Variants in NOCT observed in about 807,000 individuals in gnomAD.
NOCT encodes nocturnin.
In NOCT, 18 loss-of-function variants were observed where a neutral mutation model predicts 35.0. The observed-to-expected ratio is 0.51, with a 90% confidence interval of 0.36 to 0.76. NOCT has a LOEUF of 0.76. Ranked by LOEUF, NOCT falls within the 30% of genes least tolerant of loss-of-function variation. The pLI is 0.01. For synonymous variants in NOCT, 235 were observed against 226.3 expected (o/e 1.04, Z -0.34); for missense variants, 479 against 541.0 (o/e 0.89, Z 1.14).
intron 1 of NOCT, among the ~76,000 whole-genome samples, chr4:139,025,987 T>TG (rs1163125344): frequency 1.3e-5 from 2 of 152,236 alleles, no homozygotes; most frequent in Non-Finnish European, 2.9e-5. Context: ...AATTTGTATA[T>TG]GAAAATTGTT....
At chr4:139,021,622 A>G (rs929429424) in intron 1 of NOCT, among the ~76,000 whole-genome samples, 2 of 152,156 alleles carry the variant, frequency 1.3e-5, no homozygotes, top group Admixed American at 6.5e-5. Flanking sequence ...CTAAGTCACA[A>G]CTTAGAGTAA....
chr4:139,020,264 A>G (rs985424929), intron 1 of NOCT, among the ~76,000 whole-genome samples: 10 of 152,362 alleles, frequency 6.6e-5, no homozygotes, highest in Middle Eastern at 3.4e-3. Context: ...GAACAAATGA[A>G]TAAGATCAAT....
In NOCT at chr4:139,040,703, G is replaced by A. The variant is rs1007090102; in HGVS notation, c.191-2371G>A. Among the ~76,000 whole-genome samples the A allele has an allele frequency of 2.6e-5, 4 of 152,116 alleles. No individual in the cohort carries two copies. The South Asian group carries it at 8.3e-4, about 32-fold the overall frequency. On this transcript the variant is annotated intron_variant, in intron 1 of 2. Transcript: ENST00000280614. ...TCTACATCAAGCCCAGAGCCTGACA[G>A]GTGTCAAACGTCACTGTTTATTTCA...
intron 1 of NOCT, among the ~76,000 whole-genome samples, chr4:139,038,196 CAAAT>C (rs547458958): frequency 2.7e-4 from 41 of 150,640 alleles, no homozygotes; most frequent in African/African-American, 6.4e-4. Flanking sequence ...GAGACTGTCT[CAAAT>C]AAATAAATAA....
intron 1 of NOCT, among the ~76,000 whole-genome samples, chr4:139,037,136 G>T (rs1354426964): frequency 6.6e-6 from 1 of 152,204 alleles, no homozygotes; most frequent in Non-Finnish European, 1.5e-5. Flanking sequence ...CCACCTTGGG[G>T]AATATCTTTG....
At chr4:139,021,300 G>C (rs561238446) in intron 1 of NOCT, among the ~76,000 whole-genome samples, 4 of 151,886 alleles carry the variant, frequency 2.6e-5, no homozygotes, top group Non-Finnish European at 5.9e-5. Flanking sequence ...ATCACGCCCC[G>C]CCAAAAGCAG....
intron 1 of NOCT, among the ~76,000 whole-genome samples, chr4:139,033,291 G>T (rs549360648): frequency 1.3e-5 from 2 of 151,976 alleles, no homozygotes; most frequent in South Asian, 2.1e-4. Context: ...TTGAACCCGG[G>T]GGGGCGGAGG....
rs1207070769 is a variant in NOCT, at chr4:139,015,972, G to A, written c.-10G>A. 8 of 1,346,298 alleles carry A rather than the reference G, an allele frequency of 5.9e-6. No individual in the cohort carries two copies. The highest frequency in any genetic ancestry group is 3.1e-5 in the African/African-American group (2 of 65,172). 83.4% of individuals were successfully genotyped at this position (1,346,298 alleles called of 1,614,324 possible). A position where few individuals can be genotyped will look rare whatever the true frequency, so the allele number is the denominator to read the frequency against. On this transcript the variant is annotated 5_prime_UTR_variant, in exon 1 of 3. Transcript: ENST00000280614. ...GCGCGCGAGGGGCCGTGGTGGCGGC[G>A]GCGCCCGGCATGTTTCATAGTCCGC...
chr4:139,021,342 G>A (rs923513496), intron 1 of NOCT, among the ~76,000 whole-genome samples: 2 of 152,014 alleles, frequency 1.3e-5, no homozygotes, highest in African/African-American at 4.8e-5. Flanking sequence ...TCCAGGGCCG[G>A]GCACAGTGGC....
In NOCT at chr4:139,044,625, C is replaced by G. The variant is rs1314374924; in HGVS notation, c.461-14C>G. 1.3e-6 allele frequency: 2 copies of G among 1,566,720 alleles called. No homozygotes were observed. The highest frequency in any genetic ancestry group is 1.8e-6 in the Non-Finnish European group (2 of 1,140,504). On this transcript the variant is annotated splice_polypyrimidine_tract_variant and intron_variant, in intron 2 of 2. Transcript: ENST00000280614. Reference sequence around the variant, plus strand: ...TTTGTAAGAGCTGACAACTGACTAGCTTTTTCTTTTCAGCTCTTGGAGAAG... The same window carrying G: ...TTTGTAAGAGCTGACAACTGACTAGGTTTTTCTTTTCAGCTCTTGGAGAAG...
chr4:139,016,507 A>G lies in NOCT; in HGVS notation c.190+336A>G, dbSNP rs553563236. On this transcript the variant is annotated intron_variant, in intron 1 of 2. Coordinates refer to ENST00000280614, the MANE Select transcript of NOCT (RefSeq NM_012118.4). ...AGTTACTATGTTGGTTACATTTTTTATTGCACGACTTAACGGAAATTTTTA... is the reference window on the plus strand; with the variant it reads ...AGTTACTATGTTGGTTACATTTTTTGTTGCACGACTTAACGGAAATTTTTA... 1.0e-3 allele frequency among the ~76,000 whole-genome samples: 151 copies of G among 151,394 alleles called. 1 individual carries two copies. Among genetic ancestry groups the G allele is most frequent in the Admixed American group, 2.4e-3 (36 of 15,198 alleles).
At chr4:139,021,516 GAA>G (rs138152233) in intron 1 of NOCT, among the ~76,000 whole-genome samples, 3 of 145,486 alleles carry the variant, frequency 2.1e-5, no homozygotes, top group African/African-American at 5.0e-5. Context: ...TACTCTCAAA[GAA>G]AAAAAAAAGG....
chr4:139,041,586 G>A (rs772529159), intron 1 of NOCT, among the ~76,000 whole-genome samples: 3 of 152,200 alleles, frequency 2.0e-5, no homozygotes, highest in Non-Finnish European at 4.4e-5. Context: ...TGAAGATTAT[G>A]CTCTGTTCTC....
Position 139,045,027 on chromosome 4 carries a change from T to A in NOCT, c.849T>A (p.Ala283=). 6.2e-7 allele frequency: 1 copy of A among 1,614,250 alleles called. No individual in the cohort carries two copies. Among genetic ancestry groups the A allele is most frequent in the South Asian group, 1.1e-5 (1 of 91,090 alleles). The stretch of plus-strand genomic sequence containing the variant: ...AGTCAGGCCGACAGTTCTGCATCGC[T>A]GTTACCCATCTAAAAGCACGCACTG... ...CKESGRQFCI[A]VTHLKARTGW... The change falls in exon 3 of 3, where the codon GCT becomes GCA. Residue 283 remains alanine (A), a synonymous_variant. Transcript: ENST00000280614.
chr4:139,021,167 A>G (rs1278055151), intron 1 of NOCT, among the ~76,000 whole-genome samples: 1 of 151,982 alleles, frequency 6.6e-6, no homozygotes, highest in Non-Finnish European at 1.5e-5. Flanking sequence ...AAGCAGCTTT[A>G]AAAAATTGTA....
chr4:139,037,188 T>C (rs958748904), intron 1 of NOCT, among the ~76,000 whole-genome samples: 2 of 152,186 alleles, frequency 1.3e-5, no homozygotes, highest in Non-Finnish European at 2.9e-5. Context: ...AAGACTATAG[T>C]AAACACTTCC....
intron 2 of NOCT, 118 bp from the exon 3 acceptor site, chr4:139,044,521 C>T (rs1201746710): frequency 4.7e-6 from 3 of 643,178 alleles, no homozygotes; most frequent in Non-Finnish European, 8.2e-6. Flanking sequence ...CAGAGAGCCA[C>T]TCCAAGCATT....
chr4:139,037,463 TCTCA>T (rs1295215763), intron 1 of NOCT, among the ~76,000 whole-genome samples: 2 of 152,126 alleles, frequency 1.3e-5, no homozygotes, highest in African/African-American at 4.8e-5. Context: ...AGAGACAGGG[TCTCA>T]CTATGTTGCC....
At chr4:139,043,458 GTGAC>G in intron 2 of NOCT, 115 bp downstream of exon 2, 1 of 994,902 alleles carries the variant, frequency 1.0e-6, no homozygotes. Context: ...GCAGATGGAG[GTGAC>G]TGCAGCAGCA....
Sources: allele counts gnomAD v4.1 joint callset (sites outside exome capture counted in the v4.1 genomes callset), GRCh38; gene constraint gnomAD v4.1.1; transcripts MANE v1.5; gene names NCBI Gene and HGNC (gene_info 2026-07-23, HGNC 2026-07-21).